Variants in MDGA2 observed in about 807,000 individuals in gnomAD.
MDGA2 encodes the protein MAM domain containing glycosylphosphatidylinositol anchor 2.
In MDGA2, 40 loss-of-function variants were observed where a neutral mutation model predicts 117.8. That is an observed-to-expected ratio of 0.34 (90% CI 0.26 to 0.44). The LOEUF (loss-of-function observed/expected upper bound fraction) is 0.44, where lower values mean the gene tolerates loss of function less well. Ranked by LOEUF, MDGA2 falls within the 20% of genes least tolerant of loss-of-function variation. The pLI is 1.00. For synonymous variants in MDGA2, 452 were observed against 439.0 expected (o/e 1.03, Z -0.37); for missense variants, 1,123 against 1,250.6 (o/e 0.90, Z 1.54).
In MDGA2 at chr14:46,874,188, C is replaced by A; in HGVS notation, c.2450G>T (p.Cys817Phe). 1 of 1,420,416 alleles carries A rather than the reference C, an allele frequency of 7.0e-7. No homozygotes were observed. Among genetic ancestry groups the A allele is most frequent in the South Asian group, 1.8e-5 (1 of 55,362 alleles). 88.0% of individuals were successfully genotyped at this position (1,420,416 alleles called of 1,614,324 possible). A position where few individuals can be genotyped will look rare whatever the true frequency, so the allele number is the denominator to read the frequency against. ...PVNPHLREFH[C>F]GFEDGNICLF... Reference sequence around the variant, plus strand: ...ACAAATATTACCATCTTCAAATCCACAATGAAATTCTCCTGTTGGTAAATT... The same window carrying A: ...ACAAATATTACCATCTTCAAATCCAAAATGAAATTCTCCTGTTGGTAAATT... Residue 817 changes from cysteine to phenylalanine, a missense_variant, in exon 13 of 17, where the codon TGT becomes TTT. This residue lies in a region of MDGA2 where 890 missense variants were observed against 1,050.3 expected (regional missense o/e 0.85). Transcript: ENST00000399232.
At chr14:47,132,222 C>T (rs1250348462) in intron 4 of MDGA2, among the ~76,000 whole-genome samples, 1 of 151,862 alleles carries the variant, frequency 6.6e-6, no homozygotes, top group African/African-American at 2.4e-5. Flanking sequence ...ATTCAACAAA[C>T]ACTGCAATCT....
intron 5 of MDGA2, among the ~76,000 whole-genome samples, 173 bp downstream of exon 5, chr14:47,131,541 A>G (rs929773913): frequency 7.2e-5 from 11 of 152,030 alleles, no homozygotes; most frequent in East Asian, 3.9e-4. Context: ...TTACAATGAC[A>G]TTTTACTGTG....
At chr14:47,104,541 C>T (rs1207267897) in intron 5 of MDGA2, among the ~76,000 whole-genome samples, 3 of 149,174 alleles carry the variant, frequency 2.0e-5, no homozygotes, top group African/African-American at 7.5e-5. Flanking sequence ...CTACCCAAAT[C>T]CTATAAAACG....
At chr14:46,997,038 G>T in intron 8 of MDGA2, 1 of 285,330 alleles carries the variant, frequency 3.5e-6, no homozygotes, top group Admixed American at 4.5e-5. Context: ...TTTGCCCAAG[G>T]TTTGAAAGAT....
Position 46,842,091 on chromosome 14 carries a change from C to T in MDGA2, c.2990-72G>A, listed in dbSNP as rs567913562. 65 of 888,162 alleles carry T rather than the reference C, an allele frequency of 7.3e-5. No homozygotes were observed. The African/African-American group carries it at 9.5e-4, about 13-fold the overall frequency. 55.0% of individuals were successfully genotyped at this position (888,162 alleles called of 1,614,324 possible). A position where few individuals can be genotyped will look rare whatever the true frequency, so the allele number is the denominator to read the frequency against. ...GCATTCCACGTAGCTACTAACACAA[C>T]CTTGGTGAATAATAAAACAAGTATA... On this transcript the variant is annotated intron_variant, in intron 16 of 16. Transcript: ENST00000399232.
At chr14:47,601,231 G>A (rs1896642549) in intron 1 of MDGA2, among the ~76,000 whole-genome samples, 1 of 152,144 alleles carries the variant, frequency 6.6e-6, no homozygotes, top group African/African-American at 2.4e-5. Flanking sequence ...CATGAAGAAA[G>A]TAGTGAAGGT....
intron 11 of MDGA2, among the ~76,000 whole-genome samples, chr14:46,881,596 C>T (rs543916862): frequency 3.3e-5 from 5 of 152,148 alleles, no homozygotes; most frequent in Middle Eastern, 3.4e-3. Flanking sequence ...GTCAGGGAGA[C>T]GGGGCTCTGT....
chr14:47,076,680 C>A (rs1241546816), intron 6 of MDGA2, among the ~76,000 whole-genome samples: 1 of 151,782 alleles, frequency 6.6e-6, no homozygotes, highest in Non-Finnish European at 1.5e-5. Flanking sequence ...TATTTGAAAT[C>A]GTACTATATG....
chr14:46,852,592 C>A (rs1243706230), intron 15 of MDGA2, among the ~76,000 whole-genome samples: 1 of 151,748 alleles, frequency 6.6e-6, no homozygotes, highest in African/African-American at 2.4e-5. Flanking sequence ...GCAATCTACC[C>A]AATACTTGGG....
chr14:47,473,090 C>G (rs1224005335), intron 1 of MDGA2, among the ~76,000 whole-genome samples: 1 of 152,012 alleles, frequency 6.6e-6, no homozygotes, highest in Non-Finnish European at 1.5e-5. Flanking sequence ...ATAGAGGACA[C>G]CTGGGCGCAA....
At chr14:47,493,065 A>G (rs1375926738) in intron 1 of MDGA2, among the ~76,000 whole-genome samples, 1 of 151,858 alleles carries the variant, frequency 6.6e-6, no homozygotes, top group Non-Finnish European at 1.5e-5. Context: ...CAGTATCAAA[A>G]TAATACAGTG....
intron 1 of MDGA2, among the ~76,000 whole-genome samples, chr14:47,395,473 G>A (rs958111844): frequency 6.6e-6 from 1 of 152,056 alleles, no homozygotes; most frequent in Non-Finnish European, 1.5e-5. Context: ...TTTATGGCAA[G>A]TGCCAAACAT....
At chr14:46,969,980 A>ATATATAT in intron 8 of MDGA2, among the ~76,000 whole-genome samples, 1 of 141,372 alleles carries the variant, frequency 7.1e-6, no homozygotes, top group Non-Finnish European at 1.5e-5. Flanking sequence ...ATATATATGG[A>ATATATAT]ATAAATTTAA....
chr14:47,468,684 G>T (rs1327743361), intron 1 of MDGA2, among the ~76,000 whole-genome samples: 2 of 151,818 alleles, frequency 1.3e-5, no homozygotes, highest in African/African-American at 4.8e-5. Flanking sequence ...TTTAAATAAG[G>T]AGTTAAATAG....
chr14:47,369,214 C>T (rs1412087708), intron 1 of MDGA2, among the ~76,000 whole-genome samples: 1 of 151,910 alleles, frequency 6.6e-6, no homozygotes, highest in Non-Finnish European at 1.5e-5. Flanking sequence ...AGTAAAAATC[C>T]TCTGATAACT....
At chr14:47,526,318 G>T (rs1023093552) in intron 1 of MDGA2, among the ~76,000 whole-genome samples, 2 of 152,238 alleles carry the variant, frequency 1.3e-5, no homozygotes, top group African/African-American at 4.8e-5. Context: ...GCTCTGGTTG[G>T]TCTGATTTTT....
rs183523683 is a variant in MDGA2 at position 46,998,596 on chromosome 14, G to C, written c.1819+36415C>G. On this transcript the variant is annotated intron_variant, in intron 8 of 16. Transcript: ENST00000399232. ...CTGAGTAACAAAATGAGAAAAGCTC[G>C]TGGAAAGTCTGATACTCGTACAAAA... Among the ~76,000 whole-genome samples, 32 of 152,150 alleles carry C rather than the reference G, an allele frequency of 2.1e-4. 1 individual carries two copies. In the South Asian group the frequency reaches 6.4e-3, roughly 31 times the overall value.
chr14:46,949,045 G>C (rs1335345795), intron 9 of MDGA2, among the ~76,000 whole-genome samples: 1 of 151,900 alleles, frequency 6.6e-6, no homozygotes, highest in Non-Finnish European at 1.5e-5. Flanking sequence ...ATACTGCTTT[G>C]TTTTTAAAAC....
intron 1 of MDGA2, among the ~76,000 whole-genome samples, chr14:47,547,395 CA>C (rs1165822259): frequency 6.6e-6 from 1 of 152,156 alleles, no homozygotes; most frequent in African/African-American, 2.4e-5. Context: ...TCAACAGAAT[CA>C]AAAACTGAAG....
Sources: allele counts gnomAD v4.1 joint callset (sites outside exome capture counted in the v4.1 genomes callset), GRCh38; gene constraint gnomAD v4.1.1; regional missense constraint gnomAD v4.1.1; transcripts MANE v1.5; gene names NCBI Gene and HGNC (gene_info 2026-07-23, HGNC 2026-07-21).